Variants in KCMF1 observed in about 807,000 individuals in gnomAD.
KCMF1 encodes the protein potassium channel modulatory factor 1, also known as E3 ubiquitin-protein ligase KCMF1.
A neutral mutation model predicts 41.1 loss-of-function variants in KCMF1; 3 were observed. The observed-to-expected ratio is 0.07, with a 90% CI of 0.03 to 0.19. The LOEUF is 0.19. KCMF1 is among the 10% of genes least tolerant of loss of function. The pLI, the probability that KCMF1 is intolerant of heterozygous loss-of-function variation, is 1.00. For missense variants in KCMF1, 286 were observed against 488.9 expected (o/e 0.58, Z 3.91); for synonymous variants, 142 against 164.5 (o/e 0.86, Z 1.04).
intron 2 of KCMF1, among the ~76,000 whole-genome samples, chr2:85,034,410 A>T (rs1455326226): frequency 4.6e-5 from 7 of 152,152 alleles, no homozygotes; most frequent in Admixed American, 1.3e-4. Context: ...TTGCCCCAGT[A>T]TATACAGATA....
chr2:85,017,528 A>G (rs1674808351), intron 1 of KCMF1, among the ~76,000 whole-genome samples: 2 of 152,270 alleles, frequency 1.3e-5, no homozygotes, highest in South Asian at 4.1e-4. Flanking sequence ...TAATACACAG[A>G]CATTTCACAG....
chr2:84,995,434 G>A (rs1226303064), intron 1 of KCMF1, among the ~76,000 whole-genome samples: 1 of 152,094 alleles, frequency 6.6e-6, no homozygotes, highest in Non-Finnish European at 1.5e-5. Flanking sequence ...CGTAGGTGCC[G>A]AATATGTTTT....
chr2:84,999,277 A>G (rs1463514431), intron 1 of KCMF1, among the ~76,000 whole-genome samples: 4 of 152,040 alleles, frequency 2.6e-5, no homozygotes, highest in Admixed American at 1.3e-4. Flanking sequence ...CAGCCTCCCA[A>G]GTAGCTGGGA....
intron 1 of KCMF1, among the ~76,000 whole-genome samples, chr2:85,007,794 CAG>C (rs202085343): frequency 0.01 from 1,590 of 152,228 alleles, 31 homozygotes; most frequent in African/African-American, 0.037. Flanking sequence ...GTTTTTGAGA[CAG>C]AGTCTCGTCA....
intron 1 of KCMF1, 48 bp downstream of exon 1, chr2:84,971,515 C>T (rs1272800207): frequency 1.8e-6 from 2 of 1,115,818 alleles, no homozygotes; most frequent in Non-Finnish European, 2.2e-6. Context: ...CCTCGGCCTA[C>T]CCCGCCCGGG....
At chr2:84,979,916 G>A (rs578261598) in intron 1 of KCMF1, among the ~76,000 whole-genome samples, 16 of 151,840 alleles carry the variant, frequency 1.1e-4, no homozygotes, top group African/African-American at 3.1e-4. Flanking sequence ...TCTGCCTCCC[G>A]GGTTCAAGTG....
At chr2:84,996,613 T>A (rs1475334733) in intron 1 of KCMF1, among the ~76,000 whole-genome samples, 2 of 151,880 alleles carry the variant, frequency 1.3e-5, no homozygotes, top group African/African-American at 4.8e-5. Context: ...TTTTTGTATT[T>A]TTAGTAGAGA....
chr2:84,971,576 CGAGCCGGGCCCGAG>C, intron 1 of KCMF1, 109 bp downstream of exon 1: 1 of 515,468 alleles, frequency 1.9e-6, no homozygotes, highest in Non-Finnish European at 2.7e-6. Flanking sequence ...TGGCCGAGCC[CGAGCCGGGCCCGAG>C]GCGCTGGACC....
intron 2 of KCMF1, among the ~76,000 whole-genome samples, chr2:85,030,352 T>G (rs1675237490): frequency 6.6e-6 from 1 of 152,176 alleles, no homozygotes; most frequent in African/African-American, 2.4e-5. Flanking sequence ...TAATGTCCCG[T>G]TTATGTATTT....
At chr2:85,015,397 A>G (rs1276240172) in intron 1 of KCMF1, among the ~76,000 whole-genome samples, 2 of 152,150 alleles carry the variant, frequency 1.3e-5, no homozygotes, top group South Asian at 2.1e-4. Context: ...ATAATAGTAG[A>G]TTGAGTAATA....
intron 1 of KCMF1, among the ~76,000 whole-genome samples, chr2:84,999,054 C>T (rs1229070901): frequency 7.5e-6 from 1 of 133,794 alleles, no homozygotes; most frequent in Non-Finnish European, 1.6e-5. Context: ...ATCCATCCAT[C>T]CATCCATCCA....
intron 2 of KCMF1, among the ~76,000 whole-genome samples, chr2:85,033,609 T>C (rs928002200): frequency 1.3e-5 from 2 of 152,174 alleles, no homozygotes; most frequent in Non-Finnish European, 2.9e-5. Context: ...CAACTCACTC[T>C]CAAGGGAGCT....
At chr2:85,006,966 G>A (rs1432687612) in intron 1 of KCMF1, among the ~76,000 whole-genome samples, 1 of 151,756 alleles carries the variant, frequency 6.6e-6, no homozygotes, top group Admixed American at 6.6e-5. Context: ...AAATTAGCCA[G>A]GCACATGCCT....
intron 1 of KCMF1, among the ~76,000 whole-genome samples, chr2:84,973,424 T>A (rs1020981353): frequency 3.3e-5 from 5 of 152,264 alleles, no homozygotes; most frequent in Non-Finnish European, 7.3e-5. Context: ...TTTTAGTTAC[T>A]TGAATATTGC....
chr2:84,976,422 T>C (rs1023451415), intron 1 of KCMF1, among the ~76,000 whole-genome samples: 4 of 151,942 alleles, frequency 2.6e-5, no homozygotes, highest in African/African-American at 9.7e-5. Flanking sequence ...GCCAGGCTGG[T>C]CTCGAACTCC....
chr2:85,037,571 C>T (rs1334574762), intron 3 of KCMF1, among the ~76,000 whole-genome samples: 1 of 152,044 alleles, frequency 6.6e-6, no homozygotes, highest in African/African-American at 2.4e-5. Flanking sequence ...TGTGTGTCCC[C>T]TCTCACCCCT....
intron 3 of KCMF1, among the ~76,000 whole-genome samples, chr2:85,036,817 TTA>T (rs1340880985): frequency 6.7e-6 from 1 of 148,386 alleles, no homozygotes; most frequent in African/African-American, 2.5e-5. Context: ...TTATGTATTA[TTA>T]TATATAATAT....
At chr2:85,045,782 C>T (rs994101562) in intron 4 of KCMF1, among the ~76,000 whole-genome samples, 4 of 152,136 alleles carry the variant, frequency 2.6e-5, no homozygotes, top group African/African-American at 9.7e-5. Flanking sequence ...CCAAAAGGAA[C>T]CTTTGATGTG....
chr2:85,047,011 T>G (rs1018533700), intron 5 of KCMF1, among the ~76,000 whole-genome samples: 3 of 152,200 alleles, frequency 2.0e-5, no homozygotes, highest in Non-Finnish European at 4.4e-5. Context: ...AATTAAACTT[T>G]AGCACAACAG....
Sources: allele counts gnomAD v4.1 joint callset (sites outside exome capture counted in the v4.1 genomes callset), GRCh38; gene constraint gnomAD v4.1.1; transcripts MANE v1.5; gene names NCBI Gene and HGNC (gene_info 2026-07-23, HGNC 2026-07-21).